N4BP1: variants seen among roughly 807,000 people sequenced by gnomAD.
N4BP1 encodes NEDD4-binding protein 1.
A neutral mutation model predicts 70.9 loss-of-function variants in N4BP1; 21 were observed. The ratio of observed to expected loss-of-function variants is 0.30; its 90% CI spans 0.21 to 0.43. The LOEUF (loss-of-function observed/expected upper bound fraction) is 0.43, where lower values mean the gene tolerates loss of function less well. Among genes scored for constraint, N4BP1 ranks in the 20% least tolerant of loss-of-function variants. The probability of loss-of-function intolerance (pLI) is 1.00; values close to 1 mark genes in which losing one functional copy is unlikely to be tolerated. For missense variants in N4BP1, 936 were observed against 1,069.4 expected (o/e 0.88, Z 1.74); for synonymous variants, 387 against 394.6 (o/e 0.98, Z 0.23).
At chr16:48,589,173 C>T (rs1964294217) in intron 1 of N4BP1, among the ~76,000 whole-genome samples, 1 of 152,044 alleles carries the variant, frequency 6.6e-6, no homozygotes, top group Non-Finnish European at 1.5e-5. Context: ...ATATGTATTT[C>T]CTGGCATACA....
At chr16:48,567,873 CT>C (rs1300495888) in intron 1 of N4BP1, among the ~76,000 whole-genome samples, 2 of 152,128 alleles carry the variant, frequency 1.3e-5, no homozygotes, top group Non-Finnish European at 2.9e-5. Context: ...TGGAGAATGC[CT>C]TTTAGGTGTA....
At chr16:48,547,577 T>C (rs1437464897) in intron 5 of N4BP1, among the ~76,000 whole-genome samples, 1 of 152,240 alleles carries the variant, frequency 6.6e-6, no homozygotes, top group Non-Finnish European at 1.5e-5. Context: ...CTCCAGACCA[T>C]GAAGAAGTGA....
rs550820857 is a variant in N4BP1, at chr16:48,606,233, A to ACATC, written c.198+3538_198+3541dup. Among the ~76,000 whole-genome samples the ACATC allele has an allele frequency of 4.5e-3, 682 of 152,140 alleles. 3 individuals are homozygous for ACATC. The highest frequency in any genetic ancestry group is 7.9e-3 in the Non-Finnish European group (537 of 67,988). ...GCTTAAAACCGACCCCTAAATCCCT[A>ACATC]CATCCACCACACAGCTGCCCTGTCC... is the stretch of plus-strand genomic sequence containing the variant. On this transcript the variant is annotated intron_variant, in intron 1 of 6. Transcript: ENST00000262384.
At chr16:48,605,841 G>T (rs1052265846) in intron 1 of N4BP1, among the ~76,000 whole-genome samples, 6 of 152,064 alleles carry the variant, frequency 3.9e-5, no homozygotes, top group African/African-American at 1.5e-4. Flanking sequence ...TCTTCAGCAG[G>T]CCCCAAGCAC....
At chr16:48,581,888 G>T (rs1383625460) in intron 1 of N4BP1, among the ~76,000 whole-genome samples, 2 of 151,948 alleles carry the variant, frequency 1.3e-5, no homozygotes, top group Non-Finnish European at 2.9e-5. Flanking sequence ...TCACGACATT[G>T]GTCTGGACAA....
intron 3 of N4BP1, 40 bp downstream of exon 3, chr16:48,553,499 A>G (rs770210475): frequency 6.6e-7 from 1 of 1,514,004 alleles, no homozygotes; most frequent in Non-Finnish European, 8.8e-7. Context: ...CAACTCATTA[A>G]ACATTTCACT....
At chr16:48,581,520 A>C (rs1047040619) in intron 1 of N4BP1, among the ~76,000 whole-genome samples, 2 of 152,142 alleles carry the variant, frequency 1.3e-5, no homozygotes, top group Non-Finnish European at 2.9e-5. Context: ...CACCAAAAAA[A>C]CCCCCAGAAT....
At chr16:48,579,020 T>C (rs975505871) in intron 1 of N4BP1, among the ~76,000 whole-genome samples, 2 of 149,534 alleles carry the variant, frequency 1.3e-5, no homozygotes, top group East Asian at 3.9e-4. Context: ...CAAGAGACAT[T>C]TGACAATGCC....
intron 1 of N4BP1, among the ~76,000 whole-genome samples, chr16:48,581,151 A>G (rs1391800242): frequency 6.6e-6 from 1 of 152,172 alleles, no homozygotes; most frequent in African/African-American, 2.4e-5. Flanking sequence ...ATGAAAAAAC[A>G]GGATACATTA....
rs573971402 is a variant in N4BP1, at chr16:48,561,439, C to A, written c.1204G>T (p.Val402Leu). 4.3e-5 allele frequency: 70 copies of A among 1,612,406 alleles called. No individual in the cohort carries two copies. In the South Asian group the frequency reaches 7.2e-4, roughly 17 times the overall value. The change falls in exon 2 of 7, where the codon GTG (valine) becomes TTG (leucine). Residue 402 changes from valine to leucine, a missense_variant. Physicochemically the swap from Val to Leu is conservative, Grantham distance 32 (BLOSUM62 1). Coordinates refer to ENST00000262384, the MANE Select transcript of N4BP1 (RefSeq NM_153029.4). ...QEDREFSAGT[V>L]YPETNKTKNK... Reference sequence around the variant, plus strand: ...TTGGTTTTGTTGGTCTCTGGATACACTGTACCAGCTGAAAATTCTCTGTCT... The same window carrying A: ...TTGGTTTTGTTGGTCTCTGGATACAATGTACCAGCTGAAAATTCTCTGTCT...
rs57285875 is a variant in N4BP1, at chr16:48,558,293, CAAAAAAAA to C, written c.1889+2453_1889+2460del. ...AATCCTCCCAAAACAATCAGTTTTC[CAAAAAAAA>C]AAAAAAAAGAAGAAATAAAAAAAGA... On this transcript the variant is annotated intron_variant, in intron 2 of 6. Transcript: ENST00000262384. 3.1e-5 allele frequency among the ~76,000 whole-genome samples: 3 copies of C among 98,264 alleles called. 1 individual carries two copies. The highest frequency in any genetic ancestry group is 1.0e-4 in the African/African-American group (3 of 29,742). 64.5% of individuals were successfully genotyped at this position (98,264 alleles called of 152,430 possible).
chr16:48,559,147 T>G (rs1171012491), intron 2 of N4BP1, among the ~76,000 whole-genome samples: 1 of 152,162 alleles, frequency 6.6e-6, no homozygotes, highest in African/African-American at 2.4e-5. Flanking sequence ...AGGTGGGTGA[T>G]GAACCCCTGG....
chr16:48,600,094 C>A, intron 1 of N4BP1: 1 of 376,764 alleles, frequency 2.7e-6, no homozygotes, highest in South Asian at 3.8e-5. Context: ...ATGAAACATA[C>A]TGTGAATTAA....
At chr16:48,547,136 A>G (rs1277520709) in intron 5 of N4BP1, among the ~76,000 whole-genome samples, 1 of 152,268 alleles carries the variant, frequency 6.6e-6, no homozygotes, top group African/African-American at 2.4e-5. Flanking sequence ...GAAAATATAA[A>G]TAACAGGCAA....
At chr16:48,553,152 A>G (rs1963700731) in intron 3 of N4BP1, among the ~76,000 whole-genome samples, 1 of 152,234 alleles carries the variant, frequency 6.6e-6, no homozygotes, top group African/African-American at 2.4e-5. Flanking sequence ...AATGATTTAT[A>G]TTAAGCCTTA....
intron 1 of N4BP1, among the ~76,000 whole-genome samples, chr16:48,604,602 T>TA (rs11423007): frequency 0.048 from 6,682 of 138,422 alleles, 466 homozygotes; most frequent in African/African-American, 0.16. Context: ...CAAAAAAAGG[T>TA]AAAAAAAAAA....
intron 1 of N4BP1, among the ~76,000 whole-genome samples, chr16:48,603,054 T>C (rs570481153): frequency 1.4e-4 from 22 of 152,026 alleles, no homozygotes; most frequent in South Asian, 6.2e-4. Flanking sequence ...ACTGAAAAGG[T>C]AGTAAAACAG....
At chr16:48,588,156 C>G (rs546563111) in intron 1 of N4BP1, among the ~76,000 whole-genome samples, 1 of 152,016 alleles carries the variant, frequency 6.6e-6, no homozygotes, top group Non-Finnish European at 1.5e-5. Flanking sequence ...AATACAAAGA[C>G]GCTACTGTGT....
chr16:48,600,483 A>G, intron 1 of N4BP1: 1 of 605,190 alleles, frequency 1.7e-6, no homozygotes, highest in Admixed American at 2.1e-5. Flanking sequence ...AGCTAAATTT[A>G]TAATGAACAG....
Sources: allele counts gnomAD v4.1 joint callset (sites outside exome capture counted in the v4.1 genomes callset), GRCh38; gene constraint gnomAD v4.1.1; transcripts MANE v1.5; gene names NCBI Gene and HGNC (gene_info 2026-07-23, HGNC 2026-07-21).